Variants in MAGI2 observed in about 807,000 individuals in gnomAD.
The protein encoded by MAGI2 is membrane-associated guanylate kinase, WW and PDZ domain-containing protein 2.
MAGI2 carries 35 observed loss-of-function variants against 133.3 expected under a neutral mutation model. That is an observed-to-expected ratio of 0.26 (90% CI 0.20 to 0.35). The LOEUF is 0.35. MAGI2 is among the 10% of genes least tolerant of loss of function. The pLI, the probability that MAGI2 is intolerant of heterozygous loss-of-function variation, is 1.00. For synonymous variants in MAGI2, 729 were observed against 710.6 expected (o/e 1.03, Z -0.41); for missense variants, 1,636 against 1,863.4 (o/e 0.88, Z 2.25).
intron 2 of MAGI2, among the ~76,000 whole-genome samples, chr7:78,898,501 C>A (rs189882458): frequency 6.6e-6 from 1 of 152,198 alleles, no homozygotes; most frequent in East Asian, 1.9e-4. Context: ...ATGTCCTTTG[C>A]AGGAACGTGG....
At chr7:78,859,270 G>T (rs997637834) in intron 2 of MAGI2, among the ~76,000 whole-genome samples, 1 of 152,178 alleles carries the variant, frequency 6.6e-6, no homozygotes, top group African/African-American at 2.4e-5. Context: ...GTGTGAATTT[G>T]ATCCTGTCAT....
At chr7:78,659,383 C>T (rs1479148713) in intron 2 of MAGI2, among the ~76,000 whole-genome samples, 1 of 134,454 alleles carries the variant, frequency 7.4e-6, no homozygotes, top group African/African-American at 2.8e-5. Context: ...CGAGATCGTG[C>T]CACTGCACTC....
At chr7:78,143,736 T>C (rs1228799235) in intron 16 of MAGI2, among the ~76,000 whole-genome samples, 1 of 152,168 alleles carries the variant, frequency 6.6e-6, no homozygotes, top group Non-Finnish European at 1.5e-5. Flanking sequence ...CCTGTCCATA[T>C]GCATAGAGAA....
Position 79,061,324 on chromosome 7 carries a change from G to A in MAGI2, c.302-54118C>T, listed in dbSNP as rs1813708234. Among the ~76,000 whole-genome samples the A allele has an allele frequency of 2.0e-5, 3 of 151,284 alleles. No individual in the cohort carries two copies. The South Asian group carries it at 6.2e-4, about 31-fold the overall frequency. On this transcript the variant is annotated intron_variant, in intron 1 of 21. Transcript: ENST00000354212. Reference sequence around the variant, plus strand: ...AAAAAAAAAGCCTTTTTTTTTCTCGGGCCTTTCATTATATGACACTCGTTT... The same window carrying A: ...AAAAAAAAAGCCTTTTTTTTTCTCGAGCCTTTCATTATATGACACTCGTTT...
chr7:78,281,654 A>G (rs1795595792), intron 9 of MAGI2, among the ~76,000 whole-genome samples: 1 of 152,152 alleles, frequency 6.6e-6, no homozygotes. Context: ...CATTCTAAAT[A>G]CAGTCACAAG....
At chr7:78,384,304 C>T (rs968399563) in intron 6 of MAGI2, among the ~76,000 whole-genome samples, 12 of 152,006 alleles carry the variant, frequency 7.9e-5, no homozygotes, top group Admixed American at 5.2e-4. Context: ...CTGTGCTGGG[C>T]CCGAGGTTAG....
intron 1 of MAGI2, among the ~76,000 whole-genome samples, chr7:79,161,067 T>C (rs1299540742): frequency 2.0e-5 from 3 of 151,720 alleles, no homozygotes; most frequent in Non-Finnish European, 4.4e-5. Flanking sequence ...AACATACAGG[T>C]TAATTATAAA....
chr7:79,128,602 T>G (rs1820639606), intron 1 of MAGI2, among the ~76,000 whole-genome samples: 1 of 152,166 alleles, frequency 6.6e-6, no homozygotes, highest in African/African-American at 2.4e-5. Context: ...AATAGTACCT[T>G]GTTTTCAACA....
intron 21 of MAGI2, among the ~76,000 whole-genome samples, chr7:78,049,577 A>C (rs573631302): frequency 6.6e-6 from 1 of 152,254 alleles, no homozygotes; most frequent in African/African-American, 2.4e-5. Flanking sequence ...TGCAGACAGA[A>C]TTGCAGTCCT....
intron 6 of MAGI2, among the ~76,000 whole-genome samples, chr7:78,393,473 C>A (rs946899058): frequency 6.6e-6 from 1 of 152,178 alleles, no homozygotes; most frequent in East Asian, 1.9e-4. Context: ...GGCTATGGAA[C>A]CTCTCTTTGT....
At chr7:79,275,429 TAAGA>T (rs1460365754) in intron 1 of MAGI2, among the ~76,000 whole-genome samples, 1 of 152,166 alleles carries the variant, frequency 6.6e-6, no homozygotes, top group Non-Finnish European at 1.5e-5. Flanking sequence ...CTGAAAAAGA[TAAGA>T]AAGCTTAAGA....
At chr7:78,923,835 G>A (rs1401156892) in intron 2 of MAGI2, among the ~76,000 whole-genome samples, 1 of 152,262 alleles carries the variant, frequency 6.6e-6, no homozygotes, top group Admixed American at 6.5e-5. Context: ...ACCATGGAAT[G>A]TTCTTCCATT....
chr7:78,509,057 T>C (rs561241904), intron 4 of MAGI2, among the ~76,000 whole-genome samples: 1 of 152,246 alleles, frequency 6.6e-6, no homozygotes, highest in South Asian at 2.1e-4. Flanking sequence ...ACAGACTTTA[T>C]CAAACACTGA....
At chr7:79,204,504 T>C (rs1828873283) in intron 1 of MAGI2, among the ~76,000 whole-genome samples, 1 of 152,008 alleles carries the variant, frequency 6.6e-6, no homozygotes, top group Non-Finnish European at 1.5e-5. Flanking sequence ...ACATAGTTGC[T>C]AAAATAAGTA....
chr7:78,920,183 G>A (rs934291345), intron 2 of MAGI2, among the ~76,000 whole-genome samples: 2 of 152,110 alleles, frequency 1.3e-5, no homozygotes, highest in South Asian at 4.1e-4. Context: ...ACTGTATAGT[G>A]TAGTGTGGAC....
At position 79,196,060 on chromosome 7, in the gene MAGI2, GA is replaced by G. The variant is rs937823376; in HGVS notation, c.302-188855del. 1.9e-4 allele frequency among the ~76,000 whole-genome samples: 29 copies of G among 151,822 alleles called. 2 individuals are homozygous for G. The highest frequency in any genetic ancestry group is 6.5e-4 in the African/African-American group (27 of 41,320). ...AATGTAGTTAATTTATTATACTCTT[GA>G]AAAATGAAAAAGAGTGGATATAAAG... is the stretch of plus-strand genomic sequence containing the variant. On this transcript the variant is annotated intron_variant, in intron 1 of 21. Transcript: ENST00000354212.
At chr7:78,476,017 C>T (rs1459462836) in intron 6 of MAGI2, among the ~76,000 whole-genome samples, 1 of 151,858 alleles carries the variant, frequency 6.6e-6, no homozygotes, top group Non-Finnish European at 1.5e-5. Flanking sequence ...GCTTAGCATA[C>T]TATCTTCCCC....
chr7:78,885,211 C>A (rs565943038), intron 2 of MAGI2, among the ~76,000 whole-genome samples: 43 of 152,094 alleles, frequency 2.8e-4, no homozygotes, highest in Non-Finnish European at 5.7e-4. Context: ...GTATTATGCT[C>A]ACTACCTGGG....
intron 1 of MAGI2, among the ~76,000 whole-genome samples, chr7:79,096,017 G>A (rs1311193184): frequency 1.3e-5 from 2 of 152,058 alleles, no homozygotes; most frequent in Non-Finnish European, 1.5e-5. Context: ...TCCAGAGCAG[G>A]GGGCAGGGCT....
Sources: allele counts gnomAD v4.1 joint callset (sites outside exome capture counted in the v4.1 genomes callset), GRCh38; gene constraint gnomAD v4.1.1; transcripts MANE v1.5; gene names NCBI Gene and HGNC (gene_info 2026-07-23, HGNC 2026-07-21).